YWHAE: variants seen among roughly 807,000 people sequenced by gnomAD.
YWHAE encodes 14-3-3 protein epsilon.
A neutral mutation model predicts 30.1 loss-of-function variants in YWHAE; 4 were observed. The ratio of observed to expected loss-of-function variants is 0.13; its 90% CI spans 0.07 to 0.30. The LOEUF is 0.30. Among genes scored for constraint, YWHAE ranks in the 10% least tolerant of loss-of-function variants. YWHAE has a pLI of 1.00. For missense variants in YWHAE, 121 were observed against 315.9 expected (o/e 0.38, Z 4.68); for synonymous variants, 118 against 111.8 (o/e 1.06, Z -0.35).
Position 1,400,166 on chromosome 17 carries a change from G to C in YWHAE, c.-56C>G. ...ACGGATGGAAGCGGATAGTGTCTCC[G>C]ACTCTCTCAGCCTCTCGCTCCGCGT... On this transcript the variant is annotated 5_prime_UTR_variant, in exon 1 of 6. Transcript: ENST00000264335. The C allele has an allele frequency of 6.2e-7, 1 of 1,600,384 alleles. No homozygotes were observed. Among genetic ancestry groups the C allele is most frequent in the Non-Finnish European group, 8.6e-7 (1 of 1,168,034 alleles).
At chr17:1,391,697 C>A (rs993260870) in intron 1 of YWHAE, among the ~76,000 whole-genome samples, 4 of 152,128 alleles carry the variant, frequency 2.6e-5, no homozygotes. Context: ...ATCAAGCTGG[C>A]CGGGCGCAGT....
chr17:1,347,002 A>C (rs562953161), intron 5 of YWHAE, among the ~76,000 whole-genome samples: 1 of 149,974 alleles, frequency 6.7e-6, no homozygotes, highest in African/African-American at 2.5e-5. Context: ...AAAAAAAAAA[A>C]AAAAGAATAA....
At chr17:1,390,415 CAAA>C (rs1220546351) in intron 1 of YWHAE, among the ~76,000 whole-genome samples, 1 of 152,126 alleles carries the variant, frequency 6.6e-6, no homozygotes, top group East Asian at 1.9e-4. Context: ...AAGAATAACT[CAAA>C]AAGGTAGGTT....
chr17:1,385,485 C>A (rs1431678949), intron 1 of YWHAE, among the ~76,000 whole-genome samples: 2 of 152,126 alleles, frequency 1.3e-5, no homozygotes, highest in Non-Finnish European at 2.9e-5. Context: ...AGCTCTAGTC[C>A]CAAATATCAG....
At chr17:1,379,222 C>T (rs376510388) in intron 1 of YWHAE, among the ~76,000 whole-genome samples, 1 of 152,204 alleles carries the variant, frequency 6.6e-6, no homozygotes, top group Non-Finnish European at 1.5e-5. Context: ...CATGGCCTCA[C>T]GCCTGTAATC....
At chr17:1,375,574 G>C (rs1018750369) in intron 1 of YWHAE, among the ~76,000 whole-genome samples, 2 of 152,146 alleles carry the variant, frequency 1.3e-5, no homozygotes, top group African/African-American at 2.4e-5. Flanking sequence ...TAACAAAATC[G>C]AATTTCTGGG....
chr17:1,364,508 G>C (rs960713055), intron 2 of YWHAE, among the ~76,000 whole-genome samples: 1 of 152,132 alleles, frequency 6.6e-6, no homozygotes, highest in East Asian at 1.9e-4. Context: ...TTACAGGCCT[G>C]AGCCACCGCG....
intron 1 of YWHAE, among the ~76,000 whole-genome samples, chr17:1,382,079 C>T (rs934198384): frequency 5.3e-5 from 8 of 152,048 alleles, no homozygotes; most frequent in East Asian, 1.9e-4. Flanking sequence ...GATGGAGTCT[C>T]GCTCTGTCAC....
At chr17:1,370,516 T>G (rs1226963841) in intron 1 of YWHAE, among the ~76,000 whole-genome samples, 1 of 150,784 alleles carries the variant, frequency 6.6e-6, no homozygotes, top group Non-Finnish European at 1.5e-5. Flanking sequence ...CTGCAGCCTC[T>G]GCCTCCAGGG....
chr17:1,380,774 C>T (rs1023038176), intron 1 of YWHAE, among the ~76,000 whole-genome samples: 1 of 152,166 alleles, frequency 6.6e-6, no homozygotes, highest in Non-Finnish European at 1.5e-5. Context: ...ATTCTTACAT[C>T]TCATATATTT....
intron 1 of YWHAE, among the ~76,000 whole-genome samples, chr17:1,388,608 T>TG (rs572636294): frequency 1.3e-3 from 196 of 149,632 alleles, no homozygotes; most frequent in Non-Finnish European, 2.3e-3. Context: ...AACGGAGTCT[T>TG]GCAATGTTGC....
intron 1 of YWHAE, among the ~76,000 whole-genome samples, chr17:1,394,269 T>C (rs969211154): frequency 6.6e-6 from 1 of 151,978 alleles, no homozygotes; most frequent in East Asian, 1.9e-4. Flanking sequence ...TTAAAAACTT[T>C]TGTCAACGTG....
At chr17:1,390,278 A>T (rs1031906497) in intron 1 of YWHAE, among the ~76,000 whole-genome samples, 2 of 152,216 alleles carry the variant, frequency 1.3e-5, no homozygotes, top group African/African-American at 4.8e-5. Context: ...CAAAATTATT[A>T]TTTGGGAATA....
intron 1 of YWHAE, among the ~76,000 whole-genome samples, chr17:1,367,164 T>C (rs1373115678): frequency 1.3e-5 from 2 of 152,152 alleles, no homozygotes; most frequent in Non-Finnish European, 2.9e-5. Flanking sequence ...AGAAAAATAA[T>C]CTTTACAAAG....
chr17:1,387,333 A>C (rs1801958354), intron 1 of YWHAE, among the ~76,000 whole-genome samples: 1 of 152,246 alleles, frequency 6.6e-6, no homozygotes, highest in Admixed American at 6.5e-5. Flanking sequence ...AGCTCCAGTG[A>C]AACCTGAGGT....
chr17:1,370,432 G>C (rs926130318), intron 1 of YWHAE, among the ~76,000 whole-genome samples: 1 of 151,510 alleles, frequency 6.6e-6, no homozygotes, highest in African/African-American at 2.4e-5. Context: ...CGACTGGCCA[G>C]AACAACTTTT....
chr17:1,345,204 G>C lies in YWHAE; in HGVS notation c.*243C>G. On this transcript the variant is annotated 3_prime_UTR_variant, in exon 6 of 6. Transcript: ENST00000264335. ...GCTGAAAAAGCCTCTATGTAGTCCT[G>C]TTAGTGTCTTAAAGAACCTAAAAGC... 1.8e-6 allele frequency: 1 copy of C among 556,106 alleles called. No individual in the cohort carries two copies. The highest frequency in any genetic ancestry group is 3.2e-6 in the Non-Finnish European group (1 of 315,484). The allele number at this position is 556,106 out of a possible 1,614,324, so 34.4% of individuals were successfully genotyped here. A position where few individuals can be genotyped will look rare whatever the true frequency, so the allele number is the denominator to read the frequency against.
At chr17:1,357,231 A>G (rs1218565662) in intron 4 of YWHAE, among the ~76,000 whole-genome samples, 12 of 151,832 alleles carry the variant, frequency 7.9e-5, no homozygotes, top group East Asian at 1.9e-4. Context: ...GTGAAACCCC[A>G]TCTCTACTAA....
intron 4 of YWHAE, among the ~76,000 whole-genome samples, chr17:1,360,089 A>G (rs1598237552): frequency 6.6e-6 from 1 of 152,128 alleles, no homozygotes; most frequent in East Asian, 1.9e-4. Flanking sequence ...CAGCCTCCCG[A>G]GTAACTGGGA....
Sources: allele counts gnomAD v4.1 joint callset (sites outside exome capture counted in the v4.1 genomes callset), GRCh38; gene constraint gnomAD v4.1.1; transcripts MANE v1.5; gene names NCBI Gene and HGNC (gene_info 2026-07-23, HGNC 2026-07-21).